The following TOX3 variants were observed in gnomAD, a reference collection of about 807,000 sequenced individuals.
The protein encoded by TOX3 is CAG trinucleotide repeat-containing gene F9 protein.
TOX3 carries 22 observed loss-of-function variants against 64.3 expected under a neutral mutation model. The ratio of observed to expected loss-of-function variants is 0.34; its 90% CI spans 0.24 to 0.49. TOX3 has a LOEUF of 0.49. Among genes scored for constraint, TOX3 ranks in the 20% least tolerant of loss-of-function variants. The probability of loss-of-function intolerance (pLI) is 0.99; values close to 1 mark genes in which losing one functional copy is unlikely to be tolerated. For missense variants in TOX3, 661 were observed against 714.4 expected (o/e 0.93, Z 0.85); for synonymous variants, 291 against 273.6 (o/e 1.06, Z -0.63).
chr16:52,474,078 T>C (rs1246573252), intron 1 of TOX3, among the ~76,000 whole-genome samples: 1 of 152,160 alleles, frequency 6.6e-6, no homozygotes, highest in Non-Finnish European at 1.5e-5. Flanking sequence ...CTTAGACCTA[T>C]GTCCAAAACT....
At chr16:52,480,293 A>G (rs1025334897) in intron 1 of TOX3, among the ~76,000 whole-genome samples, 2 of 152,216 alleles carry the variant, frequency 1.3e-5, no homozygotes, top group Non-Finnish European at 2.9e-5. Context: ...ATGGTTGCCA[A>G]AGTACTGTCA....
At chr16:52,485,888 G>A (rs561898527) in intron 1 of TOX3, among the ~76,000 whole-genome samples, 8 of 152,242 alleles carry the variant, frequency 5.3e-5, no homozygotes, top group African/African-American at 1.4e-4. Flanking sequence ...TGAGGGAGAA[G>A]AGCCATCAAG....
At position 52,544,150 on chromosome 16, in the gene TOX3, TGTGA is replaced by T. The variant is rs1224852195; in HGVS notation, c.87+2483_87+2486del. Among the ~76,000 whole-genome samples the T allele has an allele frequency of 7.9e-5, 12 of 152,344 alleles. No individual in the cohort carries two copies. In the South Asian group the frequency reaches 2.3e-3, roughly 29 times the overall value. On this transcript the variant is annotated intron_variant, in intron 1 of 6. Coordinates refer to ENST00000219746, the MANE Select transcript of TOX3 (RefSeq NM_001080430.4). ...TAAGTCTTTAGAGATTAATTAATAA[TGTGA>T]GTATTTTCAAATAAAATAAATGCAT...
rs570980758 is a variant in TOX3 at position 52,497,586 on chromosome 16, G to A, written c.88-29012C>T. Among the ~76,000 whole-genome samples, 3 of 152,294 alleles carry A rather than the reference G, an allele frequency of 2.0e-5. No individual in the cohort carries two copies. The South Asian group carries it at 6.2e-4, about 32-fold the overall frequency. The stretch of plus-strand genomic sequence containing the variant: ...ATCAACAAGTCACTAAAGATTAACA[G>A]TATGACTGTACCAAATTAATTTAAA... On this transcript the variant is annotated intron_variant, in intron 1 of 6. Coordinates refer to ENST00000219746, the MANE Select transcript of TOX3 (RefSeq NM_001080430.4).
chr16:52,505,897 G>T (rs1451961298), intron 1 of TOX3, among the ~76,000 whole-genome samples: 1 of 152,128 alleles, frequency 6.6e-6, no homozygotes, highest in African/African-American at 2.4e-5. Context: ...GATTGATTGA[G>T]CCCAAGAGAT....
At chr16:52,534,025 G>C (rs1344183396) in intron 1 of TOX3, among the ~76,000 whole-genome samples, 1 of 152,178 alleles carries the variant, frequency 6.6e-6, no homozygotes, top group Non-Finnish European at 1.5e-5. Flanking sequence ...TTCTTCATAA[G>C]TAAAAGATTG....
intron 3 of TOX3, among the ~76,000 whole-genome samples, chr16:52,463,404 C>T (rs965698528): frequency 7.9e-5 from 12 of 152,262 alleles, no homozygotes; most frequent in South Asian, 2.1e-4. Flanking sequence ...CAATAAATAA[C>T]GCAATTAGGT....
intron 1 of TOX3, among the ~76,000 whole-genome samples, chr16:52,516,951 C>A (rs1381519458): frequency 6.6e-6 from 1 of 152,162 alleles, no homozygotes; most frequent in Non-Finnish European, 1.5e-5. Flanking sequence ...TATACCATGA[C>A]ACCTAAAAAT....
intron 1 of TOX3, among the ~76,000 whole-genome samples, chr16:52,542,163 G>A (rs1191056655): frequency 2.0e-5 from 3 of 152,072 alleles, no homozygotes; most frequent in Non-Finnish European, 4.4e-5. Flanking sequence ...AAAGGCCCTG[G>A]GTACCAACCT....
chr16:52,510,369 G>C (rs1962272244), intron 1 of TOX3, among the ~76,000 whole-genome samples: 1 of 152,146 alleles, frequency 6.6e-6, no homozygotes, highest in Non-Finnish European at 1.5e-5. Context: ...AGCAGAAATA[G>C]ATACTAAAAA....
chr16:52,448,895 TC>T (rs1167334271), intron 4 of TOX3, among the ~76,000 whole-genome samples: 1 of 152,192 alleles, frequency 6.6e-6, no homozygotes, highest in African/African-American at 2.4e-5. Flanking sequence ...ACTCTCATGT[TC>T]CCCATGGGGG....
intron 3 of TOX3, among the ~76,000 whole-genome samples, chr16:52,459,925 A>G (rs1960638189): frequency 6.6e-6 from 1 of 152,154 alleles, no homozygotes; most frequent in Admixed American, 6.5e-5. Flanking sequence ...AAAAACTTCT[A>G]AAATAAGCCT....
rs900679521 is a variant in TOX3, at chr16:52,480,627, T to A, written c.88-12053A>T. Among the ~76,000 whole-genome samples the A allele has an allele frequency of 2.0e-5, 3 of 152,234 alleles. No homozygotes were observed. The East Asian group carries it at 5.8e-4, about 29-fold the overall frequency. On this transcript the variant is annotated intron_variant, in intron 1 of 6. Coordinates refer to ENST00000219746, the MANE Select transcript of TOX3 (RefSeq NM_001080430.4). ...AACTCCCTTAGTTCAGTAACCAAAC[T>A]TTCACTAACCAATAGTAAAAACATG...
chr16:52,529,129 T>C (rs1302082180), intron 1 of TOX3, among the ~76,000 whole-genome samples: 1 of 152,196 alleles, frequency 6.6e-6, no homozygotes, highest in African/African-American at 2.4e-5. Flanking sequence ...ATTAATACTT[T>C]TTGAATGATA....
At chr16:52,483,198 G>A (rs2151450455) in intron 1 of TOX3, among the ~76,000 whole-genome samples, 1 of 152,264 alleles carries the variant, frequency 6.6e-6, no homozygotes, top group Non-Finnish European at 1.5e-5. Flanking sequence ...TCACTTCCAT[G>A]TTTTAATGAC....
At chr16:52,524,299 A>G (rs977683119) in intron 1 of TOX3, among the ~76,000 whole-genome samples, 1 of 152,210 alleles carries the variant, frequency 6.6e-6, no homozygotes, top group Admixed American at 6.5e-5. Context: ...AAAGTGGTCT[A>G]TTTGAGTTTT....
intron 1 of TOX3, among the ~76,000 whole-genome samples, chr16:52,514,384 C>T (rs1188159740): frequency 6.6e-6 from 1 of 152,158 alleles, no homozygotes; most frequent in Non-Finnish European, 1.5e-5. Flanking sequence ...GAATCATAAG[C>T]CAATGCTTAC....
chr16:52,539,528 G>C (rs1488104706), intron 1 of TOX3, among the ~76,000 whole-genome samples: 1 of 152,148 alleles, frequency 6.6e-6, no homozygotes, highest in African/African-American at 2.4e-5. Context: ...CTGCCTCACT[G>C]ACTGGGAAGT....
Position 52,487,305 on chromosome 16 carries a change from G to GAAA in TOX3, c.88-18734_88-18732dup, listed in dbSNP as rs10641032. Among the ~76,000 whole-genome samples, 277 of 141,688 alleles carry GAAA rather than the reference G, an allele frequency of 2.0e-3. 2 individuals carry two copies. The highest frequency in any genetic ancestry group is 6.8e-3 in the African/African-American group (264 of 38,666). The allele number at this position is 141,688 out of a possible 152,430, so 93.0% of individuals were successfully genotyped here. ...ACCACCAGAGCAGCTGAGTCAGATG[G>GAAA]AAAAAAAAAAAAGAAAGAGAAAAAG... On this transcript the variant is annotated intron_variant, in intron 1 of 6. Coordinates refer to ENST00000219746, the MANE Select transcript of TOX3 (RefSeq NM_001080430.4).
Sources: gnomAD v4.1 joint callset for allele counts (sites outside exome capture counted in the v4.1 genomes callset) on GRCh38, gnomAD v4.1.1 for gene constraint, MANE v1.5 for transcripts, NCBI Gene and HGNC (gene_info 2026-07-23, HGNC 2026-07-21) for gene names.